Variants in MAST2 observed in about 807,000 individuals in gnomAD.
The protein encoded by MAST2 is microtubule associated serine/threonine kinase 2.
A neutral mutation model predicts 147.4 loss-of-function variants in MAST2; 70 were observed. The ratio of observed to expected loss-of-function variants is 0.47; its 90% confidence interval spans 0.39 to 0.58. The LOEUF is 0.58. Ranked by LOEUF, MAST2 falls within the 20% of genes least tolerant of loss-of-function variation. The probability of loss-of-function intolerance (pLI) is 0.00; values close to 1 mark genes in which losing one functional copy is unlikely to be tolerated. For missense variants in MAST2, 2,080 were observed against 2,302.3 expected (o/e 0.90, Z 1.98); for synonymous variants, 869 against 896.8 (o/e 0.97, Z 0.55).
chr1:45,811,967 A>C (rs1017520630), intron 1 of MAST2, among the ~76,000 whole-genome samples: 21 of 151,532 alleles, frequency 1.4e-4, no homozygotes, highest in Non-Finnish European at 2.4e-4. Flanking sequence ...ATGGGGTTTC[A>C]CCATGTTGGC....
intron 4 of MAST2, among the ~76,000 whole-genome samples, chr1:45,911,300 T>C (rs1651614537): frequency 1.3e-5 from 2 of 151,158 alleles, no homozygotes; most frequent in Admixed American, 6.6e-5. Context: ...AGTAATATCT[T>C]CTTTGGTCAG....
At chr1:45,829,927 A>T (rs1410499392) in intron 3 of MAST2, among the ~76,000 whole-genome samples, 2 of 148,534 alleles carry the variant, frequency 1.3e-5, no homozygotes, top group Admixed American at 1.4e-4. Flanking sequence ...GAGTGCAATG[A>T]TGTGATCTCA....
chr1:46,014,430 G>GT (rs1409398235), intron 10 of MAST2, among the ~76,000 whole-genome samples: 1 of 148,544 alleles, frequency 6.7e-6, no homozygotes, highest in Non-Finnish European at 1.5e-5. Context: ...GCGGTGTTTG[G>GT]TTTTTTGTTC....
intron 4 of MAST2, among the ~76,000 whole-genome samples, chr1:45,955,707 G>A (rs1019674898): frequency 5.9e-5 from 9 of 152,110 alleles, no homozygotes; most frequent in South Asian, 2.1e-4. Context: ...TGGGTGGCTC[G>A]CTTGGCATTT....
At chr1:45,804,293 G>A (rs1644074732) in intron 1 of MAST2, among the ~76,000 whole-genome samples, 1 of 152,084 alleles carries the variant, frequency 6.6e-6, no homozygotes, top group Admixed American at 6.6e-5. Context: ...TGAAAAATTG[G>A]TGCAAGAGAT....
intron 4 of MAST2, chr1:45,913,765 C>G: frequency 9.1e-7 from 1 of 1,102,270 alleles, no homozygotes; most frequent in Non-Finnish European, 1.1e-6. Flanking sequence ...AACTGCATAC[C>G]CCTTGTGTGA....
At chr1:45,874,978 G>T (rs1646539305) in intron 3 of MAST2, among the ~76,000 whole-genome samples, 1 of 152,166 alleles carries the variant, frequency 6.6e-6, no homozygotes, top group South Asian at 2.1e-4. Flanking sequence ...GTGAAGACCT[G>T]AAGGTGAAAG....
chr1:45,904,436 T>C (rs1249605606), intron 4 of MAST2, among the ~76,000 whole-genome samples: 1 of 151,586 alleles, frequency 6.6e-6, no homozygotes, highest in Non-Finnish European at 1.5e-5. Context: ...GGCCTCCCAA[T>C]GTGCTGAGAT....
rs1342605001 is a variant in MAST2, at chr1:45,907,627, T to C, written c.500+25232T>C. Among the ~76,000 whole-genome samples the C allele has an allele frequency of 5.9e-5, 9 of 152,160 alleles. No individual in the cohort carries two copies. In the South Asian group the frequency reaches 1.7e-3, roughly 28 times the overall value. On this transcript the variant is annotated intron_variant, in intron 4 of 28. Transcript: ENST00000361297. Reference sequence around the variant, plus strand: ...GTATACAATGTAATGACATTAACTATATTCACAATGTCATGCAACTGTTGT... The same window carrying C: ...GTATACAATGTAATGACATTAACTACATTCACAATGTCATGCAACTGTTGT...
chr1:45,980,945 CA>C (rs1197022678), intron 5 of MAST2, among the ~76,000 whole-genome samples: 2 of 152,156 alleles, frequency 1.3e-5, no homozygotes, highest in African/African-American at 4.8e-5. Context: ...GCCAATTTAT[CA>C]AAACAGGGGA....
chr1:46,012,971 G>C (rs1460872857), intron 10 of MAST2, among the ~76,000 whole-genome samples: 1 of 152,004 alleles, frequency 6.6e-6, no homozygotes, highest in Admixed American at 6.5e-5. Flanking sequence ...TGAATTTGAA[G>C]AGTTGGACTG....
chr1:45,854,266 G>A (rs1010327662), intron 3 of MAST2, among the ~76,000 whole-genome samples: 6 of 151,516 alleles, frequency 4.0e-5, no homozygotes, highest in Non-Finnish European at 5.9e-5. Flanking sequence ...GAACCCGGGA[G>A]GCAGAGGTTG....
At position 45,816,221 on chromosome 1, in the gene MAST2, A is replaced by AAG. The variant is rs144287036; in HGVS notation, c.178-8190_178-8189dup. ...GGGGTGGGGGGGAGAGAGAGAGAGA[A>AAG]AGAGAGAGAGAGAGAGAGAGAGACC... On this transcript the variant is annotated intron_variant, in intron 1 of 28. Transcript: ENST00000361297. 8.9e-3 allele frequency among the ~76,000 whole-genome samples: 1,197 copies of AAG among 134,700 alleles called. 11 individuals are homozygous for AAG. The highest frequency in any genetic ancestry group is 0.041 in the Middle Eastern group (11 of 266). 88.4% of individuals were successfully genotyped at this position (134,700 alleles called of 152,430 possible). A position where few individuals can be genotyped will look rare whatever the true frequency, so the allele number is the denominator to read the frequency against.
intron 4 of MAST2, chr1:45,913,489 T>G: frequency 6.0e-6 from 4 of 663,040 alleles, no homozygotes; most frequent in Non-Finnish European, 3.7e-6. Context: ...GGGGAGGGAG[T>G]TTGGTGCTTG....
At chr1:45,998,350 C>T (rs150137725) in intron 6 of MAST2, among the ~76,000 whole-genome samples, 95 of 152,318 alleles carry the variant, frequency 6.2e-4, no homozygotes, top group Middle Eastern at 3.4e-3. Flanking sequence ...CATACAGAGC[C>T]ATGCTTACAG....
At chr1:46,028,668 A>T in intron 17 of MAST2, 100 bp from the exon 18 acceptor site, 1 of 1,267,256 alleles carries the variant, frequency 7.9e-7, no homozygotes, top group Non-Finnish European at 1.1e-6. Flanking sequence ...GTCTTCATTC[A>T]GAGATTCTTC....
chr1:45,955,173 A>G (rs1659474025), intron 4 of MAST2, among the ~76,000 whole-genome samples: 1 of 147,546 alleles, frequency 6.8e-6, no homozygotes, highest in Admixed American at 6.8e-5. Context: ...CAACAAAATG[A>G]ATGTGCAAAA....
At chr1:45,951,397 A>G (rs577600003) in intron 4 of MAST2, among the ~76,000 whole-genome samples, 145 of 152,262 alleles carry the variant, frequency 9.5e-4, no homozygotes, top group South Asian at 2.5e-3. Context: ...ATCCCAGACA[A>G]TATGGTAAAA....
intron 3 of MAST2, among the ~76,000 whole-genome samples, chr1:45,877,890 A>C (rs929790241): frequency 2.0e-5 from 3 of 152,204 alleles, no homozygotes; most frequent in Admixed American, 1.3e-4. Flanking sequence ...AGCTAATAGA[A>C]TCTAGCAATG....
Sources: allele counts gnomAD v4.1 joint callset (sites outside exome capture counted in the v4.1 genomes callset), GRCh38; gene constraint gnomAD v4.1.1; transcripts MANE v1.5; gene names NCBI Gene and HGNC (gene_info 2026-07-23, HGNC 2026-07-21).